TUBA1C: variants seen among roughly 807,000 people sequenced by gnomAD.
TUBA1C encodes the protein tubulin alpha-1C chain.
In TUBA1C, 16 loss-of-function variants were observed where a neutral mutation model predicts 34.9. The ratio of observed to expected loss-of-function variants is 0.46; its 90% CI spans 0.31 to 0.70. The LOEUF is 0.70. TUBA1C is among the 30% of genes least tolerant of loss of function. The pLI, the probability that TUBA1C is intolerant of heterozygous loss-of-function variation, is 0.05. For missense variants in TUBA1C, 329 were observed against 587.3 expected (o/e 0.56, Z 4.55); for synonymous variants, 177 against 215.9 (o/e 0.82, Z 1.58).
upstream of TUBA1C, among the ~76,000 whole-genome samples, chr12:49,263,023 CTTTTTTTT>C (rs758187649): frequency 8.5e-6 from 1 of 117,108 alleles, no homozygotes; most frequent in South Asian, 3.0e-4. Context: ...GAGAATTACT[CTTTTTTTT>C]TTTTTTTTTT....
chr12:49,244,314 C>T (rs548802674), intron 1 of TUBA1C, among the ~76,000 whole-genome samples: 2 of 152,290 alleles, frequency 1.3e-5, no homozygotes, highest in South Asian at 4.1e-4. Context: ...GTTTCTCCTT[C>T]TCCATCTTTT....
intron 1 of TUBA1C, among the ~76,000 whole-genome samples, chr12:49,249,960 G>A (rs1942715713): frequency 1.3e-5 from 2 of 152,152 alleles, no homozygotes; most frequent in South Asian, 4.1e-4. Context: ...ACTTTGGGAG[G>A]CCGAGGCAGG....
intron 3 of TUBA1C, 154 bp downstream of exon 3, chr12:49,270,130 TG>T (rs1233642315): frequency 8.8e-6 from 13 of 1,474,972 alleles, no homozygotes; most frequent in South Asian, 2.4e-5. Flanking sequence ...CTGAACCAGA[TG>T]ATCTTGGATT....
upstream of TUBA1C, among the ~76,000 whole-genome samples, chr12:49,263,087 G>A (rs956653905): frequency 7.2e-6 from 1 of 139,532 alleles, no homozygotes; most frequent in East Asian, 2.4e-4. Flanking sequence ...ACAGTGGCAC[G>A]ATCTCTGCTC....
At chr12:49,249,587 TGG>T (rs1942712153) in intron 1 of TUBA1C, among the ~76,000 whole-genome samples, 1 of 152,102 alleles carries the variant, frequency 6.6e-6, no homozygotes, top group African/African-American at 2.4e-5. Flanking sequence ...TGACTGGTCG[TGG>T]TGGCTCACAC....
At chr12:49,263,521 T>C (rs1942861896), upstream of TUBA1C, among the ~76,000 whole-genome samples, 1 of 152,046 alleles carries the variant, frequency 6.6e-6, no homozygotes, top group Non-Finnish European at 1.5e-5. Context: ...AAGGGCCATT[T>C]TGTATGTGTG....
chr12:49,257,473 TA>T (rs1305060176), intron 1 of TUBA1C, among the ~76,000 whole-genome samples: 1 of 152,008 alleles, frequency 6.6e-6, no homozygotes, highest in Non-Finnish European at 1.5e-5. Context: ...AAGAGGCATT[TA>T]TTTTTTTTTT....
At chr12:49,269,794 G>A in intron 2 of TUBA1C, 34 bp from the exon 3 acceptor site, 1 of 1,605,246 alleles carries the variant, frequency 6.2e-7, no homozygotes, top group Non-Finnish European at 8.5e-7. Context: ...CCCGCTCCTT[G>A]TCCCTCCTCC....
Position 49,273,259 on chromosome 12 carries a change from T to C in TUBA1C, c.*32T>C, listed in dbSNP as rs1446282355. 1.4e-5 allele frequency: 22 copies of C among 1,614,082 alleles called. No homozygotes were observed. Among genetic ancestry groups the C allele is most frequent in the Non-Finnish European group, 1.8e-5 (21 of 1,180,046 alleles). ...TGCTGTACTTTTACACTCCTTTGTC[T>C]TGGAACTGTCTTATTTTTGTTCTGT... On this transcript the variant is annotated 3_prime_UTR_variant, in exon 4 of 4. Transcript: ENST00000301072.
intron 1 of TUBA1C, among the ~76,000 whole-genome samples, chr12:49,235,577 A>T (rs1212252904): frequency 6.6e-6 from 1 of 152,054 alleles, no homozygotes; most frequent in African/African-American, 2.4e-5. Flanking sequence ...TCTACTAAAA[A>T]TACAAAGAGT....
At chr12:49,267,841 C>G (rs144564774) in intron 1 of TUBA1C, among the ~76,000 whole-genome samples, 51 of 152,250 alleles carry the variant, frequency 3.3e-4, no homozygotes, top group Non-Finnish European at 6.3e-4. Flanking sequence ...TTTTTATTAT[C>G]TCTTGGCTTA....
intron 3 of TUBA1C, among the ~76,000 whole-genome samples, chr12:49,271,419 G>A (rs1942990199): frequency 1.3e-5 from 2 of 152,178 alleles, no homozygotes; most frequent in South Asian, 2.1e-4. Context: ...TTGTGGTTGT[G>A]TCACTTTACC....
intron 1 of TUBA1C, among the ~76,000 whole-genome samples, chr12:49,232,622 A>G (rs944130338): frequency 6.6e-6 from 1 of 152,134 alleles, no homozygotes; most frequent in African/African-American, 2.4e-5. Flanking sequence ...TATAATGTAG[A>G]AAGTTGAGGT....
At position 49,272,692 on chromosome 12, in the gene TUBA1C, A is replaced by G. The variant is rs778340576; in HGVS notation, c.815A>G (p.Tyr272Cys). 1.2e-6 allele frequency: 2 copies of G among 1,612,170 alleles called. No individual in the cohort carries two copies. Among genetic ancestry groups the G allele is most frequent in the Non-Finnish European group, 1.7e-6 (2 of 1,179,826 alleles). ...CGCATCCACTTCCCTCTGGCCACATATGCCCCTGTCATCTCTGCTGAGAAA... is the reference window on the plus strand; with the variant it reads ...CGCATCCACTTCCCTCTGGCCACATGTGCCCCTGTCATCTCTGCTGAGAAA... ...YPRIHFPLAT[Y>C]APVISAEKAY... Residue 272 changes from tyrosine to cysteine, a missense_variant, in exon 4 of 4, where the codon TAT becomes TGT. Coordinates refer to ENST00000301072, the MANE Select transcript of TUBA1C (RefSeq NM_032704.5).
Position 49,269,824 on chromosome 12 carries a change from C to A in TUBA1C, c.227-4C>A, listed in dbSNP as rs1942965472. ...TCCTCCTCCTCCCCCATCATGTTCT[C>A]CAGATGAAGTTCGCACTGGCACTTA... is the stretch of plus-strand genomic sequence containing the variant. On this transcript the variant is annotated splice_region_variant and splice_polypyrimidine_tract_variant and intron_variant, in intron 2 of 3. Transcript: ENST00000301072. 1 of 1,613,930 alleles carries A rather than the reference C, an allele frequency of 6.2e-7. No homozygotes were observed. Among genetic ancestry groups the A allele is most frequent in the South Asian group, 1.1e-5 (1 of 91,080 alleles).
chr12:49,273,158 C>T lies in TUBA1C; in HGVS notation c.1281C>T (p.Ala427=). 2 of 1,614,110 alleles carry T rather than the reference C, an allele frequency of 1.2e-6. No homozygotes were observed. Among genetic ancestry groups the T allele is most frequent in the Non-Finnish European group, 1.7e-6 (2 of 1,180,018 alleles). ...CAGAGGCCCGTGAGGACATGGCTGC[C>T]CTTGAGAAGGATTATGAGGAGGTTG... ...EFSEAREDMA[A]LEKDYEEVGA... is the part of the protein sequence containing the mutation. Residue 427 remains alanine, a synonymous_variant, in exon 4 of 4, where the codon GCC becomes GCT. Coordinates refer to ENST00000301072, the MANE Select transcript of TUBA1C (RefSeq NM_032704.5).
At chr12:49,251,905 T>C (rs1942736078) in intron 1 of TUBA1C, among the ~76,000 whole-genome samples, 1 of 152,050 alleles carries the variant, frequency 6.6e-6, no homozygotes, top group Non-Finnish European at 1.5e-5. Flanking sequence ...TACATGATCA[T>C]CTCAATCGAT....
intron 1 of TUBA1C, among the ~76,000 whole-genome samples, chr12:49,255,405 A>AAAATATATATAT (rs533723121): frequency 3.5e-5 from 5 of 141,312 alleles, no homozygotes; most frequent in African/African-American, 1.3e-4. Context: ...ATCTTTAAAA[A>AAAATATATATAT]ATATATATAT....
At chr12:49,267,413 C>G (rs1456924867) in intron 1 of TUBA1C, among the ~76,000 whole-genome samples, 5 of 152,118 alleles carry the variant, frequency 3.3e-5, no homozygotes, top group Non-Finnish European at 5.9e-5. Flanking sequence ...AATCCCAGCA[C>G]TTTGGGAGGC....
Sources: gnomAD v4.1 joint callset for allele counts (sites outside exome capture counted in the v4.1 genomes callset) on GRCh38, gnomAD v4.1.1 for gene constraint, MANE v1.5 for transcripts, NCBI Gene and HGNC (gene_info 2026-07-23, HGNC 2026-07-21) for gene names.